The following RBMS3 variants were observed in gnomAD, a reference collection of about 807,000 sequenced individuals.
The protein encoded by RBMS3 is RNA-binding motif, single-stranded-interacting protein 3.
Under a neutral mutation model 66.8 loss-of-function variants are expected in RBMS3, and 27 were observed. The observed-to-expected ratio is 0.40, with a 90% CI of 0.30 to 0.56. The LOEUF is 0.56. RBMS3 is among the 20% of genes least tolerant of loss of function. The pLI, the probability that RBMS3 is intolerant of heterozygous loss-of-function variation, is 0.40. For missense variants in RBMS3, 513 were observed against 549.5 expected (o/e 0.93, Z 0.66); for synonymous variants, 188 against 183.0 (o/e 1.03, Z -0.22).
Position 30,003,877 on chromosome 3 carries a change from T to C in RBMS3, c.*15T>C, listed in dbSNP as rs773134845. 24 of 1,450,164 alleles carry C rather than the reference T, an allele frequency of 1.7e-5. No individual in the cohort carries two copies. In the Admixed American group the frequency reaches 5.8e-4, roughly 35 times the overall value. 89.8% of individuals were successfully genotyped at this position (1,450,164 alleles called of 1,614,324 possible). On this transcript the variant is annotated 3_prime_UTR_variant, in exon 15 of 15. Coordinates refer to ENST00000383767, the MANE Select transcript of RBMS3 (RefSeq NM_001003793.3). The stretch of plus-strand genomic sequence containing the variant: ...ACAGACCATAAACAGGACTGAAGAA[T>C]GTCTGTCTGAATCTTTGCCTTGAAT...
intron 1 of RBMS3, among the ~76,000 whole-genome samples, chr3:29,381,818 ATTG>A (rs978923242): frequency 1.3e-5 from 2 of 152,098 alleles, no homozygotes; most frequent in African/African-American, 4.8e-5. Flanking sequence ...TCTTTTTGTT[ATTG>A]TTATTAACAT....
At chr3:29,933,508 T>C (rs2061184973) in intron 10 of RBMS3, among the ~76,000 whole-genome samples, 1 of 152,152 alleles carries the variant, frequency 6.6e-6, no homozygotes, top group Non-Finnish European at 1.5e-5. Flanking sequence ...GTTTACTCCC[T>C]GACTGTACAT....
At chr3:29,816,989 G>C (rs2057926226) in intron 6 of RBMS3, among the ~76,000 whole-genome samples, 2 of 152,012 alleles carry the variant, frequency 1.3e-5, no homozygotes, top group South Asian at 2.1e-4. Flanking sequence ...TACATGGGAG[G>C]CTGAGGCAAG....
chr3:29,995,283 T>C (rs953713802), intron 14 of RBMS3, among the ~76,000 whole-genome samples: 2 of 152,106 alleles, frequency 1.3e-5, no homozygotes, highest in African/African-American at 4.8e-5. Flanking sequence ...CAAATCTACA[T>C]CTGATTGGTG....
chr3:29,903,578 A>C (rs1339895386), intron 10 of RBMS3, among the ~76,000 whole-genome samples: 1 of 151,990 alleles, frequency 6.6e-6, no homozygotes, highest in Non-Finnish European at 1.5e-5. Context: ...GTTCCAATAC[A>C]TTGGATATTT....
At chr3:29,302,383 A>T (rs1335870249) in intron 1 of RBMS3, among the ~76,000 whole-genome samples, 1 of 151,830 alleles carries the variant, frequency 6.6e-6, no homozygotes, top group Non-Finnish European at 1.5e-5. Context: ...CTAGATTTTA[A>T]TTTGCCCATA....
intron 1 of RBMS3, among the ~76,000 whole-genome samples, chr3:29,424,532 G>A (rs2040867795): frequency 6.6e-6 from 1 of 152,162 alleles, no homozygotes; most frequent in African/African-American, 2.4e-5. Context: ...ACATTATGGA[G>A]TTGGGATGAG....
chr3:29,969,350 C>T (rs1434977048), intron 12 of RBMS3, among the ~76,000 whole-genome samples: 1 of 152,186 alleles, frequency 6.6e-6, no homozygotes, highest in African/African-American at 2.4e-5. Context: ...CAGTTAAACA[C>T]CCAGCACAAA....
At chr3:29,862,384 A>C (rs1286733999) in intron 6 of RBMS3, among the ~76,000 whole-genome samples, 1 of 152,212 alleles carries the variant, frequency 6.6e-6, no homozygotes, top group Non-Finnish European at 1.5e-5. Context: ...GTGCACACAC[A>C]CATACACATT....
At chr3:29,612,950 G>T (rs540323141) in intron 4 of RBMS3, among the ~76,000 whole-genome samples, 47 of 152,056 alleles carry the variant, frequency 3.1e-4, no homozygotes, top group Non-Finnish European at 5.9e-5. Context: ...AATTTTTAAG[G>T]ACATGAAATA....
At chr3:29,772,339 A>G (rs1213556672) in intron 6 of RBMS3, among the ~76,000 whole-genome samples, 1 of 152,082 alleles carries the variant, frequency 6.6e-6, no homozygotes, top group African/African-American at 2.4e-5. Flanking sequence ...CGGAAAGCTA[A>G]TATACTAGTA....
At chr3:29,977,972 T>C (rs1429296629) in intron 12 of RBMS3, among the ~76,000 whole-genome samples, 1 of 152,094 alleles carries the variant, frequency 6.6e-6, no homozygotes, top group East Asian at 1.9e-4. Context: ...TCTGTGAGAA[T>C]TTATCAAGTT....
At chr3:29,981,493 T>C (rs1697991937) in intron 12 of RBMS3, among the ~76,000 whole-genome samples, 1 of 152,192 alleles carries the variant, frequency 6.6e-6, no homozygotes, top group African/African-American at 2.4e-5. Context: ...AGAGAGGGCA[T>C]CCTTGTCTTG....
At chr3:29,759,342 C>A (rs1471302331) in intron 5 of RBMS3, among the ~76,000 whole-genome samples, 2 of 152,112 alleles carry the variant, frequency 1.3e-5, no homozygotes, top group East Asian at 3.9e-4. Flanking sequence ...AACATCAGAC[C>A]TAACAGAAAA....
At chr3:29,491,937 G>A (rs1349392998) in intron 3 of RBMS3, among the ~76,000 whole-genome samples, 1 of 152,000 alleles carries the variant, frequency 6.6e-6, no homozygotes, top group Non-Finnish European at 1.5e-5. Context: ...AGCTTGCAGT[G>A]AGCTGAGATC....
intron 10 of RBMS3, among the ~76,000 whole-genome samples, chr3:29,918,257 A>G (rs568918495): frequency 1.3e-5 from 2 of 152,310 alleles, no homozygotes; most frequent in African/African-American, 4.8e-5. Flanking sequence ...TGTATATGAA[A>G]GACAAAATAT....
intron 3 of RBMS3, among the ~76,000 whole-genome samples, chr3:29,559,648 G>A (rs1282213814): frequency 7.1e-6 from 1 of 141,758 alleles, no homozygotes; most frequent in African/African-American, 2.6e-5. Context: ...TTTCAAACTT[G>A]TCTACAAAAC....
intron 2 of RBMS3, among the ~76,000 whole-genome samples, chr3:29,478,380 A>G (rs1035387828): frequency 6.6e-6 from 1 of 152,142 alleles, no homozygotes; most frequent in African/African-American, 2.4e-5. Context: ...GGTGCCTTCC[A>G]GCTTTGTCCT....
At position 29,696,054 on chromosome 3, in the gene RBMS3, T is replaced by C. The variant is rs114911046; in HGVS notation, c.400-43666T>C. ...GCCGTCAGTAAAGATCCCCTAGGCA[T>C]TGACATTTTAAAAACTCTCCATGTC... is the stretch of plus-strand genomic sequence containing the variant. On this transcript the variant is annotated intron_variant, in intron 4 of 14. Coordinates refer to ENST00000383767, the MANE Select transcript of RBMS3 (RefSeq NM_001003793.3). Among the ~76,000 whole-genome samples, 485 of 152,286 alleles carry C rather than the reference T, an allele frequency of 3.2e-3. 3 individuals carry two copies. Among genetic ancestry groups the C allele is most frequent in the African/African-American group, 0.011 (463 of 41,554 alleles).
Sources: allele counts gnomAD v4.1 joint callset (sites outside exome capture counted in the v4.1 genomes callset), GRCh38; gene constraint gnomAD v4.1.1; transcripts MANE v1.5; gene names NCBI Gene and HGNC (gene_info 2026-07-23, HGNC 2026-07-21).